The following SHQ1 variants were observed in gnomAD, a reference collection of about 807,000 sequenced individuals.
The protein encoded by SHQ1 is protein SHQ1 homolog.
A neutral mutation model predicts 53.8 loss-of-function variants in SHQ1; 49 were observed. That is an observed-to-expected ratio of 0.91 (90% CI 0.72 to 1.16). The LOEUF is 1.16. Ranked by LOEUF, SHQ1 falls within the 50% of genes most tolerant of loss-of-function variation. The pLI, the probability that SHQ1 is intolerant of heterozygous loss-of-function variation, is 0.00. For missense variants in SHQ1, 738 were observed against 683.1 expected (o/e 1.08, Z -0.90); for synonymous variants, 243 against 251.0 (o/e 0.97, Z 0.30).
chr3:72,767,569 C>T (rs1320663034), intron 10 of SHQ1, among the ~76,000 whole-genome samples: 1 of 152,192 alleles, frequency 6.6e-6, no homozygotes, highest in African/African-American at 2.4e-5. Flanking sequence ...TCACAACCCT[C>T]AACAATTAGG....
intron 10 of SHQ1, 104 bp downstream of exon 10, chr3:72,792,800 AAAAAAAAAAAAC>A: frequency 9.5e-6 from 7 of 736,780 alleles, no homozygotes; most frequent in African/African-American, 3.8e-5. Flanking sequence ...AAAAAAAAAA[AAAAAAAAAAAAC>A]ACAACTTACT....
At chr3:72,745,352 G>A (rs1238307463), downstream of SHQ1, among the ~76,000 whole-genome samples, 1 of 152,128 alleles carries the variant, frequency 6.6e-6, no homozygotes, top group Non-Finnish European at 1.5e-5. Context: ...TCTTGTGCCA[G>A]TGAAAGGTGA....
At chr3:72,828,080 T>C (rs1707715988) in intron 5 of SHQ1, among the ~76,000 whole-genome samples, 1 of 152,134 alleles carries the variant, frequency 6.6e-6, no homozygotes, top group African/African-American at 2.4e-5. Flanking sequence ...AGGTCACTAA[T>C]TGAACAAGCA....
chr3:72,806,008 T>C (rs543660797), intron 9 of SHQ1, among the ~76,000 whole-genome samples: 1 of 150,092 alleles, frequency 6.7e-6, no homozygotes, highest in East Asian at 1.9e-4. Flanking sequence ...TGGAGATGAC[T>C]AGAACTTGAT....
intron 1 of SHQ1, among the ~76,000 whole-genome samples, chr3:72,844,814 G>A (rs1708281980): frequency 6.6e-6 from 1 of 152,194 alleles, no homozygotes; most frequent in South Asian, 2.1e-4. Context: ...TTGACCTCAT[G>A]TGATGAGTCA....
At chr3:72,834,883 G>C (rs947106702) in intron 4 of SHQ1, among the ~76,000 whole-genome samples, 1 of 152,026 alleles carries the variant, frequency 6.6e-6, no homozygotes, top group African/African-American at 2.4e-5. Flanking sequence ...TTTGCTTCCT[G>C]TGCTATAACA....
intron 10 of SHQ1, among the ~76,000 whole-genome samples, chr3:72,775,459 C>CT (rs202198673): frequency 0.057 from 6,776 of 119,560 alleles, 259 homozygotes; most frequent in African/African-American, 0.11. Flanking sequence ...GACACAATGG[C>CT]TTTTTTTTTT....
intron 9 of SHQ1, chr3:72,810,071 G>A (rs776328441): frequency 6.6e-6 from 1 of 151,802 alleles, no homozygotes; most frequent in Non-Finnish European, 1.5e-5. Flanking sequence ...ATGCTCCCAT[G>A]AAAAACTTTA....
the SHQ1 span, among the ~76,000 whole-genome samples, chr3:72,741,299 G>C: frequency 8.5e-5 from 13 of 152,156 alleles, no homozygotes; most frequent in Admixed American, 7.9e-4. Context: ...GAAGGAGTGA[G>C]AGGAGGCCAG....
intron 3 of SHQ1, 138 bp from the exon 4 acceptor site, chr3:72,841,337 C>T (rs745752620): frequency 2.7e-5 from 16 of 593,566 alleles, no homozygotes; most frequent in African/African-American, 1.5e-4. Context: ...TTCATAGCTC[C>T]GCTATTCGTG....
At chr3:72,832,883 C>T (rs1707865224) in intron 4 of SHQ1, among the ~76,000 whole-genome samples, 1 of 152,186 alleles carries the variant, frequency 6.6e-6, no homozygotes, top group African/African-American at 2.4e-5. Flanking sequence ...TACACGGTCT[C>T]TTCTTTCTTC....
intron 4 of SHQ1, among the ~76,000 whole-genome samples, chr3:72,840,246 A>C (rs1381232507): frequency 7.2e-6 from 1 of 138,128 alleles, no homozygotes; most frequent in Non-Finnish European, 1.5e-5. Context: ...CTGTCTTAAA[A>C]AAAAAAAAAA....
the SHQ1 span, among the ~76,000 whole-genome samples, chr3:72,731,682 C>G: frequency 2.7e-5 from 4 of 148,666 alleles, 1 homozygote; most frequent in Non-Finnish European, 4.5e-5. Flanking sequence ...AGTGAGACTC[C>G]GTTTCAAAAA....
chr3:72,842,509 AT>A, intron 2 of SHQ1, 107 bp from the exon 3 acceptor site: 1 of 1,017,364 alleles, frequency 9.8e-7, no homozygotes. Context: ...CAGGAGGATC[AT>A]TTTAGCCCAG....
intron 10 of SHQ1, among the ~76,000 whole-genome samples, chr3:72,758,587 C>T (rs1411915770): frequency 4.3e-5 from 5 of 117,596 alleles, no homozygotes; most frequent in Admixed American, 3.2e-4. Context: ...TTTTTTTTTC[C>T]GAGATGGAGT....
chr3:72,766,048 C>T (rs1219973672), intron 10 of SHQ1, among the ~76,000 whole-genome samples: 3 of 152,116 alleles, frequency 2.0e-5, no homozygotes, highest in Admixed American at 1.3e-4. Context: ...CAAAAGGTAG[C>T]CAGGGTGCAC....
chr3:72,750,963 T>C (rs1017476035), intron 10 of SHQ1, 127 bp from the exon 11 acceptor site: 5 of 660,058 alleles, frequency 7.6e-6, no homozygotes, highest in Non-Finnish European at 9.6e-6. Context: ...ATATATATCA[T>C]AACAGATCCA....
chr3:72,785,744 T>C lies in SHQ1; in HGVS notation c.1181+7172A>G, dbSNP rs142441061. 2.0e-5 allele frequency among the ~76,000 whole-genome samples: 3 copies of C among 152,240 alleles called. No individual in the cohort carries two copies. In the East Asian group the frequency reaches 5.8e-4, roughly 29 times the overall value. ...TCCTTGTCTACTCATCTGCATGATG[T>C]TATTTTCCCAGCTTGAAATGCATCC... On this transcript the variant is annotated intron_variant, in intron 10 of 10. Coordinates refer to ENST00000325599, the MANE Select transcript of SHQ1 (RefSeq NM_018130.3).
chr3:72,781,662 G>A (rs1288829177), intron 10 of SHQ1, among the ~76,000 whole-genome samples: 1 of 151,972 alleles, frequency 6.6e-6, no homozygotes, highest in African/African-American at 2.4e-5. Flanking sequence ...CCTGGCAGAG[G>A]CAATCCCAGC....
Sources: allele counts gnomAD v4.1 joint callset (sites outside exome capture counted in the v4.1 genomes callset), GRCh38; gene constraint gnomAD v4.1.1; transcripts MANE v1.5; gene names NCBI Gene and HGNC (gene_info 2026-07-23, HGNC 2026-07-21).